Variants in MACROD2 observed in about 807,000 individuals in gnomAD.
The protein encoded by MACROD2 is mono-ADP ribosylhydrolase 2.
A neutral mutation model predicts 70.4 loss-of-function variants in MACROD2; 36 were observed. The observed-to-expected ratio is 0.51, with a 90% CI of 0.39 to 0.68. The LOEUF is 0.68. Ranked by LOEUF, MACROD2 falls within the 30% of genes least tolerant of loss-of-function variation. The pLI is 0.00. For missense variants in MACROD2, 496 were observed against 538.4 expected, an observed-to-expected ratio of 0.92 and a Z score of 0.78; for synonymous variants, 172 against 178.8, an observed-to-expected ratio of 0.96 and a Z score of 0.30.
chr20:14,789,879 G>T (rs1338202298), intron 5 of MACROD2, among the ~76,000 whole-genome samples: 1 of 151,784 alleles, frequency 6.6e-6, no homozygotes, highest in Non-Finnish European at 1.5e-5. Flanking sequence ...ACTATGATGA[G>T]AAATCAAAAT....
At chr20:14,410,265 G>A (rs1372464727) in intron 3 of MACROD2, among the ~76,000 whole-genome samples, 2 of 145,904 alleles carry the variant, frequency 1.4e-5, no homozygotes, top group East Asian at 2.0e-4. Context: ...GGGAGTACAC[G>A]TGTAAGTCTA....
chr20:15,599,102 C>T (rs922871140), intron 8 of MACROD2, among the ~76,000 whole-genome samples: 16 of 152,108 alleles, frequency 1.1e-4, no homozygotes, highest in South Asian at 2.1e-4. Context: ...AAATTGAGGC[C>T]GGCCGTGGTG....
At chr20:14,616,357 C>G (rs867326029) in intron 4 of MACROD2, among the ~76,000 whole-genome samples, 1 of 152,074 alleles carries the variant, frequency 6.6e-6, no homozygotes, top group Admixed American at 6.6e-5. Flanking sequence ...TCCTTCTTCC[C>G]TGTCAAAAAT....
chr20:15,297,920 CCACAAATTAAGGGAA>C (rs2077606374), intron 6 of MACROD2, among the ~76,000 whole-genome samples: 1 of 152,214 alleles, frequency 6.6e-6, no homozygotes, highest in South Asian at 2.1e-4. Context: ...GAAAGTCTGC[CCACAAATTAAGGGAA>C]CACAATAGCT....
At chr20:15,674,678 G>A (rs937671004) in intron 8 of MACROD2, among the ~76,000 whole-genome samples, 1 of 151,914 alleles carries the variant, frequency 6.6e-6, no homozygotes, top group Non-Finnish European at 1.5e-5. Flanking sequence ...ATCCTCGCAT[G>A]GTAGGCATTT....
At chr20:14,703,525 G>T (rs552686761) in intron 5 of MACROD2, among the ~76,000 whole-genome samples, 37 of 152,242 alleles carry the variant, frequency 2.4e-4, no homozygotes, top group African/African-American at 8.4e-4. Context: ...CTCTCCAGCT[G>T]TGCTCTAACC....
At chr20:14,818,634 A>G (rs1451730357) in intron 5 of MACROD2, among the ~76,000 whole-genome samples, 2 of 152,006 alleles carry the variant, frequency 1.3e-5, no homozygotes, top group Non-Finnish European at 2.9e-5. Context: ...GCCAACTAGC[A>G]TATAGCATGC....
At chr20:15,913,981 G>A (rs1018209575) in intron 10 of MACROD2, among the ~76,000 whole-genome samples, 1 of 152,170 alleles carries the variant, frequency 6.6e-6, no homozygotes, top group African/African-American at 2.4e-5. Context: ...TATACTGTTT[G>A]TTTTCCTGTG....
chr20:15,136,355 A>G (rs1182947307), intron 5 of MACROD2, among the ~76,000 whole-genome samples: 4 of 151,914 alleles, frequency 2.6e-5, no homozygotes, highest in Non-Finnish European at 5.9e-5. Context: ...TACTGGTACC[A>G]AAACAGACAT....
chr20:16,021,760 G>A (rs1291670927), intron 15 of MACROD2, among the ~76,000 whole-genome samples: 2 of 152,018 alleles, frequency 1.3e-5, no homozygotes, highest in Non-Finnish European at 2.9e-5. Context: ...AGAATCACTC[G>A]GCCAATAAGT....
intron 5 of MACROD2, among the ~76,000 whole-genome samples, chr20:14,714,055 C>G (rs1444859398): frequency 6.6e-6 from 1 of 152,056 alleles, no homozygotes; most frequent in Non-Finnish European, 1.5e-5. Flanking sequence ...CTACTTTGGA[C>G]AAAGTGGGGC....
intron 12 of MACROD2, among the ~76,000 whole-genome samples, chr20:15,949,743 C>T (rs1568662055): frequency 6.6e-6 from 1 of 152,114 alleles, no homozygotes; most frequent in East Asian, 1.9e-4. Flanking sequence ...TTTTGAAATG[C>T]TTTTGTGGGC....
intron 5 of MACROD2, among the ~76,000 whole-genome samples, chr20:15,026,657 T>C (rs566210603): frequency 3.9e-5 from 6 of 152,268 alleles, no homozygotes; most frequent in African/African-American, 1.4e-4. Flanking sequence ...TATTTATGTA[T>C]GTATTTTATT....
chr20:15,967,388 GAA>G (rs371470206), intron 12 of MACROD2, among the ~76,000 whole-genome samples, 163 bp from the exon 13 acceptor site: 1 of 151,914 alleles, frequency 6.6e-6, no homozygotes. Context: ...AGTATGGGGG[GAA>G]AAAAAGCGCC....
chr20:14,877,459 A>G (rs1218038511), intron 5 of MACROD2, among the ~76,000 whole-genome samples: 1 of 151,950 alleles, frequency 6.6e-6, no homozygotes, highest in African/African-American at 2.4e-5. Context: ...CTCTTCCCTG[A>G]TAGCTCTGGC....
At chr20:14,903,292 C>T (rs561742101) in intron 5 of MACROD2, among the ~76,000 whole-genome samples, 4 of 152,134 alleles carry the variant, frequency 2.6e-5, no homozygotes, top group East Asian at 1.9e-4. Flanking sequence ...CCATCCGCCT[C>T]GGCCTCCCAA....
At chr20:14,747,847 A>T (rs2071819591) in intron 5 of MACROD2, among the ~76,000 whole-genome samples, 1 of 151,778 alleles carries the variant, frequency 6.6e-6, no homozygotes, top group Admixed American at 6.5e-5. Flanking sequence ...AGAAGAAGGG[A>T]TGTCAATAGA....
At chr20:15,404,151 G>A (rs1341424766) in intron 6 of MACROD2, among the ~76,000 whole-genome samples, 1 of 152,110 alleles carries the variant, frequency 6.6e-6, no homozygotes, top group African/African-American at 2.4e-5. Context: ...TAATATGTCT[G>A]CATACACTGT....
intron 8 of MACROD2, among the ~76,000 whole-genome samples, chr20:15,813,354 A>G (rs1037848378): frequency 1.1e-4 from 17 of 152,250 alleles, no homozygotes; most frequent in African/African-American, 2.7e-4. Flanking sequence ...CTGTAGAGAC[A>G]TGTTAAGTCT....
Sources: allele counts gnomAD v4.1 joint callset (sites outside exome capture counted in the v4.1 genomes callset), GRCh38; gene constraint gnomAD v4.1.1; transcripts MANE v1.5; gene names NCBI Gene and HGNC (gene_info 2026-07-23, HGNC 2026-07-21).